The following SDK1 variants were observed in gnomAD, a reference collection of about 807,000 sequenced individuals.
The protein encoded by SDK1 is sidekick cell adhesion molecule 1, also known as protein sidekick-1.
Under a neutral mutation model 245.5 loss-of-function variants are expected in SDK1, and 157 were observed. That is an observed-to-expected ratio of 0.64 (90% CI 0.56 to 0.73). The LOEUF is 0.73. SDK1 is among the 30% of genes least tolerant of loss of function. The probability of loss-of-function intolerance (pLI) is 0.00; values close to 1 mark genes in which losing one functional copy is unlikely to be tolerated. For missense variants in SDK1, 3,583 were observed against 3,002.3 expected, an observed-to-expected ratio of 1.19 and a Z score of -4.52; for synonymous variants, 1,647 against 1,278.5, an observed-to-expected ratio of 1.29 and a Z score of -6.15.
At chr7:3,630,120 C>T (rs2128647778) in intron 2 of SDK1, among the ~76,000 whole-genome samples, 1 of 152,062 alleles carries the variant, frequency 6.6e-6, no homozygotes, top group South Asian at 2.1e-4. Flanking sequence ...ATGAAAAGGG[C>T]ACAAATGAGT....
chr7:3,806,974 C>T (rs912999325), intron 4 of SDK1, among the ~76,000 whole-genome samples: 1 of 152,102 alleles, frequency 6.6e-6, no homozygotes, highest in Non-Finnish European at 1.5e-5. Context: ...CAGACTTTCT[C>T]AAAACGGCCC....
chr7:4,157,430 GCA>G (rs200695303), intron 30 of SDK1, among the ~76,000 whole-genome samples: 14 of 59,262 alleles, frequency 2.4e-4, no homozygotes, highest in African/African-American at 1.5e-3. Context: ...GGGAAGGAAG[GCA>G]AGAGAAAAGG....
intron 1 of SDK1, among the ~76,000 whole-genome samples, chr7:3,332,248 C>T (rs1385157067): frequency 1.3e-5 from 2 of 152,064 alleles, no homozygotes; most frequent in Non-Finnish European, 2.9e-5. Flanking sequence ...TTATTTTATT[C>T]TCGATGATTA....
chr7:3,897,660 T>A (rs1446900734), intron 5 of SDK1, among the ~76,000 whole-genome samples: 1 of 152,156 alleles, frequency 6.6e-6, no homozygotes, highest in Non-Finnish European at 1.5e-5. Flanking sequence ...ATTTGCCACG[T>A]TCTTCTTAAT....
intron 1 of SDK1, among the ~76,000 whole-genome samples, chr7:3,450,616 T>A (rs2128591455): frequency 6.6e-6 from 1 of 152,256 alleles, no homozygotes; most frequent in Middle Eastern, 3.4e-3. Context: ...GCTAGTGAGT[T>A]CTGTTTTAGA....
At chr7:3,863,842 G>A (rs935018784) in intron 5 of SDK1, among the ~76,000 whole-genome samples, 1 of 152,182 alleles carries the variant, frequency 6.6e-6, no homozygotes, top group African/African-American at 2.4e-5. Context: ...TCCCTGACGG[G>A]CGCTTGGGTT....
intron 1 of SDK1, chr7:3,338,176 C>A (rs1780252557): frequency 7.9e-6 from 2 of 252,414 alleles, no homozygotes; most frequent in Non-Finnish European, 1.6e-5. Context: ...GTTCTCTAGG[C>A]CTTTTAGAAA....
chr7:4,239,661 C>T (rs1442779617), intron 42 of SDK1, among the ~76,000 whole-genome samples: 2 of 152,178 alleles, frequency 1.3e-5, no homozygotes, highest in African/African-American at 2.4e-5. Context: ...ACGCACGGCG[C>T]CCGGCCTATG....
chr7:3,363,690 C>T (rs1781012871), intron 1 of SDK1, among the ~76,000 whole-genome samples: 1 of 152,186 alleles, frequency 6.6e-6, no homozygotes, highest in African/African-American at 2.4e-5. Context: ...CTAGATCCCT[C>T]ACCTGTGCAG....
At chr7:3,566,989 C>A (rs944429528) in intron 1 of SDK1, among the ~76,000 whole-genome samples, 5 of 152,126 alleles carry the variant, frequency 3.3e-5, no homozygotes, top group Non-Finnish European at 7.4e-5. Flanking sequence ...GGCACCTATA[C>A]TGGAGAACAG....
intron 8 of SDK1, among the ~76,000 whole-genome samples, chr7:3,959,823 C>T (rs571444390): frequency 1.3e-5 from 2 of 151,520 alleles, no homozygotes; most frequent in African/African-American, 2.4e-5. Context: ...AGCTCTGGGT[C>T]CCCTTTTCCT....
At chr7:3,514,055 C>G (rs1207233788) in intron 1 of SDK1, among the ~76,000 whole-genome samples, 3 of 152,074 alleles carry the variant, frequency 2.0e-5, no homozygotes, top group Non-Finnish European at 2.9e-5. Flanking sequence ...TAGGTTGATT[C>G]CATGTCTGTA....
intron 22 of SDK1, among the ~76,000 whole-genome samples, chr7:4,109,275 T>C (rs780554740): frequency 6.6e-6 from 1 of 152,010 alleles, no homozygotes; most frequent in Non-Finnish European, 1.5e-5. Context: ...GCGTTGAGAG[T>C]TTTGCGCTTT....
intron 1 of SDK1, among the ~76,000 whole-genome samples, chr7:3,303,971 C>A (rs1013740440): frequency 6.6e-6 from 1 of 152,108 alleles, no homozygotes; most frequent in African/African-American, 2.4e-5. Flanking sequence ...TCCTAAGTAC[C>A]ATATTATTAC....
At chr7:3,779,962 G>C (rs1374882798) in intron 4 of SDK1, among the ~76,000 whole-genome samples, 4 of 139,248 alleles carry the variant, frequency 2.9e-5, no homozygotes, top group African/African-American at 8.2e-5. Flanking sequence ...AAAAAAAAAA[G>C]ATGATGAGCA....
intron 44 of SDK1, among the ~76,000 whole-genome samples, chr7:4,256,244 A>T (rs1012159477): frequency 1.3e-5 from 2 of 152,206 alleles, no homozygotes; most frequent in African/African-American, 4.8e-5. Context: ...ATGGTTATTT[A>T]TAAAATACTT....
At chr7:3,415,418 A>C (rs1779334546) in intron 1 of SDK1, among the ~76,000 whole-genome samples, 1 of 152,174 alleles carries the variant, frequency 6.6e-6, no homozygotes, top group Admixed American at 6.5e-5. Flanking sequence ...CAACAGAGGT[A>C]GATAAAAAAC....
intron 4 of SDK1, among the ~76,000 whole-genome samples, chr7:3,737,887 C>G (rs1316462787): frequency 3.9e-5 from 6 of 152,162 alleles, no homozygotes. Flanking sequence ...GCAGCATGAC[C>G]AAACCAAATC....
intron 1 of SDK1, among the ~76,000 whole-genome samples, chr7:3,576,522 C>A (rs1008719025): frequency 6.6e-6 from 1 of 152,084 alleles, no homozygotes; most frequent in African/African-American, 2.4e-5. Flanking sequence ...TTTTGAGGAA[C>A]TGATCTAGTT....
Sources: gnomAD v4.1 joint callset for allele counts (sites outside exome capture counted in the v4.1 genomes callset) on GRCh38, gnomAD v4.1.1 for gene constraint, MANE v1.5 for transcripts, NCBI Gene and HGNC (gene_info 2026-07-23, HGNC 2026-07-21) for gene names.